KLHL26: variants seen among roughly 807,000 people sequenced by gnomAD.
KLHL26 encodes the protein kelch-like protein 26.
Under a neutral mutation model 7.1 loss-of-function variants are expected in KLHL26, and 4 were observed. The observed-to-expected ratio is 0.56, with a 90% CI of 0.28 to 1.28. The LOEUF (loss-of-function observed/expected upper bound fraction) is 1.28. Ranked by LOEUF, KLHL26 falls within the 50% of genes most tolerant of loss-of-function variation. KLHL26 has a pLI of 0.11. For missense variants in KLHL26, 896 were observed against 924.6 expected, an observed-to-expected ratio of 0.97 and a Z score of 0.40; for synonymous variants, 465 against 414.1, an observed-to-expected ratio of 1.12 and a Z score of -1.49.
rs572538069 is a variant in KLHL26 at position 18,656,388 on chromosome 19, C to T, written c.84-7873C>T. Reference sequence around the variant, plus strand: ...CCCTGAACTCCCGGTGTGACTTGGGCAGCCCGCCACCCTCTCTGAGCCTTG... The same window carrying T: ...CCCTGAACTCCCGGTGTGACTTGGGTAGCCCGCCACCCTCTCTGAGCCTTG... On this transcript the variant is annotated intron_variant, in intron 1 of 2. Transcript: ENST00000300976. The surrounding 1 kb of genome is among the most constrained non-coding windows in gnomAD (Gnocchi z 4.4). 1.3e-4 allele frequency among the ~76,000 whole-genome samples: 19 copies of T among 151,614 alleles called. No homozygotes were observed. The highest frequency in any genetic ancestry group is 4.4e-4 in the African/African-American group (18 of 41,252).
At chr19:18,644,224 G>A (rs1047339420) in intron 1 of KLHL26, among the ~76,000 whole-genome samples, 1 of 152,168 alleles carries the variant, frequency 6.6e-6, no homozygotes, top group African/African-American at 2.4e-5. Context: ...GCATGTTGTA[G>A]CCTAAATCAG....
chr19:18,637,236 A>T, intron 1 of KLHL26, 99 bp downstream of exon 1: 1 of 1,163,894 alleles, frequency 8.6e-7, no homozygotes, highest in East Asian at 3.2e-5. Flanking sequence ...GAGGCCTGGC[A>T]CGGCTCGAGG....
In KLHL26 at chr19:18,667,653, C is replaced by T. The variant is rs903251580; in HGVS notation, c.267-11C>T. On this transcript the variant is annotated splice_polypyrimidine_tract_variant and intron_variant, in intron 2 of 2. Transcript: ENST00000300976. The stretch of plus-strand genomic sequence containing the variant: ...CCACTGCCAGCCACACGTTGTGTTT[C>T]TGCCCTTCAGGGCCATGTTCACCGG... 1 of 1,603,142 alleles carries T rather than the reference C, an allele frequency of 6.2e-7. No individual in the cohort carries two copies. Among genetic ancestry groups the T allele is most frequent in the Admixed American group, 1.7e-5 (1 of 59,506 alleles).
rs1976801008 is a variant in KLHL26 at position 18,646,357 on chromosome 19, G to A, written c.83+9220G>A. On this transcript the variant is annotated intron_variant, in intron 1 of 2. Transcript: ENST00000300976. This position sits in a 1 kb window ranked among gnomAD's most constrained non-coding sequence, Gnocchi z 5.0. Reference sequence around the variant, plus strand: ...GGCTGGTCTCGAACTCCTGACCTCAGGTGATCCACCTGCCTTGGCCTCCCA... The same window carrying A: ...GGCTGGTCTCGAACTCCTGACCTCAAGTGATCCACCTGCCTTGGCCTCCCA... Among the ~76,000 whole-genome samples, 1 of 152,082 alleles carries A rather than the reference G, an allele frequency of 6.6e-6. No homozygotes were observed. Among genetic ancestry groups the A allele is most frequent in the African/African-American group, 2.4e-5 (1 of 41,408 alleles).
chr19:18,640,057 A>G (rs1468726754), intron 1 of KLHL26, among the ~76,000 whole-genome samples: 1 of 150,504 alleles, frequency 6.6e-6, no homozygotes, highest in East Asian at 2.0e-4. Context: ...TCTCGTATGG[A>G]CGGACACAGT....
intron 1 of KLHL26, among the ~76,000 whole-genome samples, chr19:18,657,232 C>G (rs1387370161): frequency 1.4e-5 from 2 of 147,428 alleles, no homozygotes; most frequent in Admixed American, 1.3e-4. Flanking sequence ...TCTCTGTCTC[C>G]CTGTCTCTGG....
intron 1 of KLHL26, among the ~76,000 whole-genome samples, chr19:18,660,201 G>A (rs554729401): frequency 3.8e-4 from 58 of 152,228 alleles, no homozygotes; most frequent in Non-Finnish European, 6.9e-4. Context: ...AGACCTGGGC[G>A]TGTCCTTGGG....
chr19:18,647,843 A>G (rs1175461443), intron 1 of KLHL26, among the ~76,000 whole-genome samples: 1 of 152,062 alleles, frequency 6.6e-6, no homozygotes, highest in Non-Finnish European at 1.5e-5. Flanking sequence ...TGTGGACAGG[A>G]TTTGTTAGAC....
At chr19:18,659,180 C>T (rs568180934) in intron 1 of KLHL26, among the ~76,000 whole-genome samples, 20 of 152,334 alleles carry the variant, frequency 1.3e-4, no homozygotes, top group Non-Finnish European at 2.5e-4. Context: ...GTCTCTGTCA[C>T]TCCCTCTCCG....
intron 1 of KLHL26, among the ~76,000 whole-genome samples, chr19:18,647,473 G>A (rs971073586): frequency 1.4e-4 from 21 of 152,062 alleles, no homozygotes; most frequent in African/African-American, 5.1e-4. Context: ...GTGTGTGTGT[G>A]TGTCTTACCC....
intron 1 of KLHL26, among the ~76,000 whole-genome samples, chr19:18,658,811 T>C (rs1481626766): frequency 6.7e-6 from 1 of 149,750 alleles, no homozygotes; most frequent in Non-Finnish European, 1.5e-5. Flanking sequence ...TTTTCTCCTC[T>C]TGCTGGGCCT....
chr19:18,667,965 C>G lies in KLHL26; in HGVS notation c.568C>G (p.Arg190Gly). 6.2e-7 allele frequency: 1 copy of G among 1,609,116 alleles called. No individual in the cohort carries two copies. The highest frequency in any genetic ancestry group is 8.5e-7 in the Non-Finnish European group (1 of 1,179,972). ...LRESVDAFTF[R>G]HFLQIAEEED... ...AGAGTCGGTGGATGCCTTCACCTTC[C>G]GGCACTTCCTGCAGATCGCCGAGGA... The change falls in exon 3 of 3, where the codon CGG becomes GGG. Residue 190 changes from arginine (R) to glycine (G), a missense_variant. Transcript: ENST00000300976.
At position 18,671,479 on chromosome 19, in the gene KLHL26, G is replaced by A. The variant is rs888620994; in HGVS notation, c.*2234G>A. 1.3e-5 allele frequency: 2 copies of A among 152,236 alleles called. No homozygotes were observed. The highest frequency in any genetic ancestry group is 4.8e-5 in the African/African-American group (2 of 41,432). The allele number at this position is 152,236 out of a possible 1,614,324, so 9.4% of individuals were successfully genotyped here. The stretch of plus-strand genomic sequence containing the variant: ...AAGCTTTGCCAGCTGCAAGTCCCCT[G>A]GATCAGCTCACACCTCAGAACATCT... On this transcript the variant is annotated 3_prime_UTR_variant, in exon 3 of 3. Coordinates refer to ENST00000300976, the MANE Select transcript of KLHL26 (RefSeq NM_018316.3).
rs74588461 is a variant in KLHL26 at position 18,671,334 on chromosome 19, G to A, written c.*2089G>A. The A allele has an allele frequency of 6.6e-6, 1 of 152,362 alleles. No individual in the cohort carries two copies. The highest frequency in any genetic ancestry group is 1.5e-5 in the Non-Finnish European group (1 of 68,064). The allele number at this position is 152,362 out of a possible 1,614,324, so 9.4% of individuals were successfully genotyped here. On this transcript the variant is annotated 3_prime_UTR_variant, in exon 3 of 3. Coordinates refer to ENST00000300976, the MANE Select transcript of KLHL26 (RefSeq NM_018316.3). ...AGAAGCCCACACTGTCAGGGGCATC[G>A]AGACAAAAGCCGAGTTCCCTGGGGA...
intron 1 of KLHL26, among the ~76,000 whole-genome samples, chr19:18,653,252 A>G (rs1237384960): frequency 7.3e-6 from 1 of 137,342 alleles, no homozygotes; most frequent in East Asian, 2.3e-4. Flanking sequence ...CCCACCCTTC[A>G]TCCACCATTC....
chr19:18,669,089 CG>C lies in KLHL26; in HGVS notation c.1697del (p.Gly566AlafsTer36). 6.2e-7 allele frequency: 1 copy of C among 1,612,908 alleles called. No individual in the cohort carries two copies. Among genetic ancestry groups the C allele is most frequent in the South Asian group, 1.1e-5 (1 of 91,086 alleles). The stretch of plus-strand genomic sequence containing the variant: ...TGCTGGAGAGGAAGATCTACATCGT[CG>C]GGGGCTACAACTGGCGTCTCAACAA... ...CLLERKIYIVGGYNWRLNNVT... is the reference protein window; with the variant it reads ...CLLERKIYIVXGYNWRLNNVT... On this transcript the variant is annotated frameshift_variant, in exon 3 of 3. Transcript: ENST00000300976. LOFTEE classifies it high-confidence loss of function.
chr19:18,638,019 G>T (rs1373901520), intron 1 of KLHL26, among the ~76,000 whole-genome samples: 1 of 152,174 alleles, frequency 6.6e-6, no homozygotes. Context: ...GTATTGGATT[G>T]TCAGAGGGAA....
chr19:18,669,549 C>G lies in KLHL26; in HGVS notation c.*304C>G. 7.1e-6 allele frequency: 4 copies of G among 560,202 alleles called. No individual in the cohort carries two copies. The highest frequency in any genetic ancestry group is 1.3e-5 in the Non-Finnish European group (4 of 318,224). 34.7% of individuals were successfully genotyped at this position (560,202 alleles called of 1,614,324 possible). The stretch of plus-strand genomic sequence containing the variant: ...TCCCCACGGGCTGGCGGGTGGAATC[C>G]CAGGTCTCCAGGGGGTCCCTGTGCA... On this transcript the variant is annotated 3_prime_UTR_variant, in exon 3 of 3. Coordinates refer to ENST00000300976, the MANE Select transcript of KLHL26 (RefSeq NM_018316.3).
Position 18,668,169 on chromosome 19 carries a change from T to A in KLHL26, c.772T>A (p.Ser258Thr), listed in dbSNP as rs770246531. The change falls in exon 3 of 3, where the codon TCG (serine) becomes ACG (threonine). Residue 258 changes from serine (S) to threonine (T), a missense_variant. By Grantham distance (58) the Ser-to-Thr change is moderately conservative. Transcript: ENST00000300976. ...CCACATTCGCTTCCCGCTCATGCAG[T>A]CGTCCGAGCTGGTGGACAGCGTGCA... ...LCHIRFPLMQ[S>T]SELVDSVQTL... The A allele has an allele frequency of 1.9e-6, 3 of 1,609,612 alleles. No individual in the cohort carries two copies. Among genetic ancestry groups the A allele is most frequent in the Non-Finnish European group, 2.5e-6 (3 of 1,179,638 alleles).
Sources: allele counts gnomAD v4.1 joint callset (sites outside exome capture counted in the v4.1 genomes callset), GRCh38; gene constraint gnomAD v4.1.1; non-coding constraint Gnocchi (gnomAD v3.1); transcripts MANE v1.5; gene names NCBI Gene and HGNC (gene_info 2026-07-23, HGNC 2026-07-21).